FNIP2: variants seen among roughly 807,000 people sequenced by gnomAD.
FNIP2 encodes the protein folliculin-interacting protein 2.
In FNIP2, 32 loss-of-function variants were observed where a neutral mutation model predicts 108.7. The ratio of observed to expected loss-of-function variants is 0.29; its 90% CI spans 0.22 to 0.40. The LOEUF (loss-of-function observed/expected upper bound fraction) is 0.40. Ranked by LOEUF, FNIP2 falls within the 10% of genes least tolerant of loss-of-function variation. FNIP2 has a pLI of 1.00. For missense variants in FNIP2, 1,202 were observed against 1,381.6 expected (o/e 0.87, Z 2.06); for synonymous variants, 480 against 496.7 (o/e 0.97, Z 0.45).
At chr4:158,844,039 T>C (rs1208880951) in intron 7 of FNIP2, among the ~76,000 whole-genome samples, 1 of 152,234 alleles carries the variant, frequency 6.6e-6, no homozygotes, top group African/African-American at 2.4e-5. Flanking sequence ...CAAAACTTTT[T>C]CCTTTGAAGA....
intron 3 of FNIP2, among the ~76,000 whole-genome samples, chr4:158,830,416 C>G (rs981259235): frequency 2.6e-5 from 4 of 151,684 alleles, no homozygotes; most frequent in Non-Finnish European, 5.9e-5. Context: ...GCGCCCGCCA[C>G]CGCGCCCGGC....
intron 14 of FNIP2, among the ~76,000 whole-genome samples, chr4:158,888,824 G>T (rs530802481): frequency 1.2e-4 from 18 of 151,522 alleles, no homozygotes; most frequent in Admixed American, 4.6e-4. Context: ...ATGTGTTGCA[G>T]TGAGCCGAGA....
intron 7 of FNIP2, among the ~76,000 whole-genome samples, chr4:158,840,691 C>G (rs1203635565): frequency 1.3e-5 from 2 of 152,192 alleles, no homozygotes; most frequent in African/African-American, 4.8e-5. Context: ...CCACCGTGCC[C>G]AGCCAGAAGC....
chr4:158,870,312 G>C lies in FNIP2; in HGVS notation c.2793-1G>C. The stretch of plus-strand genomic sequence containing the variant: ...TTTTAATGGGCCACATGTTGTTTTA[G>C]GTCTCAGAGCATCAGCACCCAGAAT... On this transcript the variant is annotated splice_acceptor_variant, in intron 13 of 16. Coordinates refer to ENST00000264433, the MANE Select transcript of FNIP2 (RefSeq NM_020840.3). LOFTEE classifies it high-confidence loss of function. 1 of 1,612,446 alleles carries C rather than the reference G, an allele frequency of 6.2e-7. No individual in the cohort carries two copies. Among genetic ancestry groups the C allele is most frequent in the African/African-American group, 1.3e-5 (1 of 75,016 alleles).
At chr4:158,779,057 T>C (rs970633308) in intron 1 of FNIP2, among the ~76,000 whole-genome samples, 2 of 152,204 alleles carry the variant, frequency 1.3e-5, no homozygotes, top group Non-Finnish European at 2.9e-5. Context: ...TGGGGAAACT[T>C]GGACCCTAGC....
intron 14 of FNIP2, among the ~76,000 whole-genome samples, chr4:158,876,743 A>T (rs1781304346): frequency 6.6e-6 from 1 of 152,180 alleles, no homozygotes. Flanking sequence ...ACTCTTCCCC[A>T]TAAAACTGGG....
intron 14 of FNIP2, among the ~76,000 whole-genome samples, chr4:158,881,914 C>T (rs1219250171): frequency 2.6e-5 from 4 of 151,616 alleles, no homozygotes; most frequent in Admixed American, 1.3e-4. Context: ...GGCCGCCCAT[C>T]GTCTGGGATG....
chr4:158,854,677 A>G (rs1399939203), intron 8 of FNIP2, among the ~76,000 whole-genome samples: 2 of 152,232 alleles, frequency 1.3e-5, no homozygotes, highest in African/African-American at 4.8e-5. Context: ...GGAAAACTGT[A>G]TTTTTATGCT....
intron 1 of FNIP2, among the ~76,000 whole-genome samples, chr4:158,812,834 A>G (rs1351843776): frequency 6.6e-6 from 1 of 151,190 alleles, no homozygotes; most frequent in African/African-American, 2.4e-5. Flanking sequence ...ACATGTATCC[A>G]CTATTCATAC....
rs1471651968 is a variant in FNIP2, at chr4:158,868,369, T to A, written c.1733T>A (p.Leu578His). The A allele has an allele frequency of 1.2e-6, 2 of 1,613,886 alleles. No homozygotes were observed. Among genetic ancestry groups the A allele is most frequent in the Non-Finnish European group, 1.7e-6 (2 of 1,179,906 alleles). Residue 578 changes from leucine (L) to histidine (H), a missense_variant, in exon 13 of 17, where the codon CTT becomes CAT. By Grantham distance (99) the Leu-to-His change is moderately conservative (BLOSUM62 -3). Transcript: ENST00000264433. The surrounding 1 kb of genome is among the most constrained non-coding windows in gnomAD (Gnocchi z 4.6). ...VVITVRNEPA[L>H]VPPILPPTAA... is the part of the protein sequence containing the mutation. ...ATTACGGTGAGGAACGAGCCCGCTC[T>A]TGTACCCCCCATCCTACCACCAACA... is the stretch of plus-strand genomic sequence containing the variant.
intron 1 of FNIP2, among the ~76,000 whole-genome samples, chr4:158,808,359 A>G (rs76855625): frequency 0.036 from 5,458 of 152,312 alleles, 140 homozygotes; most frequent in Non-Finnish European, 0.053. Flanking sequence ...TTAAATTTTA[A>G]CATTTTCATA....
chr4:158,905,331 T>C lies in FNIP2; in HGVS notation c.*787T>C, dbSNP rs1170178434. On this transcript the variant is annotated 3_prime_UTR_variant, in exon 17 of 17. Transcript: ENST00000264433. ...TCTGAAACCGTATGTTTTATCCTTA[T>C]ATTTTAGAGCTTTCAGCAGCCTTTT... is the stretch of plus-strand genomic sequence containing the variant. 1 of 152,228 alleles carries C rather than the reference T, an allele frequency of 6.6e-6. No homozygotes were observed. Among genetic ancestry groups the C allele is most frequent in the African/African-American group, 2.4e-5 (1 of 41,470 alleles). The allele number at this position is 152,228 out of a possible 1,614,324, so 9.4% of individuals were successfully genotyped here.
rs1001509928 is a variant in FNIP2, at chr4:158,850,166, C to T, written c.728-1155C>T. On this transcript the variant is annotated intron_variant, in intron 7 of 16. Transcript: ENST00000264433. ...ATAAATGTAATAGTTCATGTGGAGACACTGCTTTATCAAGTGATATTCATG... is the reference window on the plus strand; with the variant it reads ...ATAAATGTAATAGTTCATGTGGAGATACTGCTTTATCAAGTGATATTCATG... Among the ~76,000 whole-genome samples the T allele has an allele frequency of 3.3e-5, 5 of 152,288 alleles. No homozygotes were observed. The East Asian group carries it at 7.7e-4, about 23-fold the overall frequency.
At chr4:158,842,147 T>C (rs73858594) in intron 7 of FNIP2, among the ~76,000 whole-genome samples, 10,142 of 152,330 alleles carry the variant, frequency 0.067, 431 homozygotes, top group African/African-American at 0.12. Flanking sequence ...GATATTTATC[T>C]TTTTCATTTC....
rs1775608951 is a variant in FNIP2, at chr4:158,769,251, G to A, written c.39G>A (p.Arg13=). 2 of 1,539,554 alleles carry A rather than the reference G, an allele frequency of 1.3e-6. No individual in the cohort carries two copies. Among genetic ancestry groups the A allele is most frequent in the African/African-American group, 1.4e-5 (1 of 71,458 alleles). The change falls in exon 1 of 17, where the codon AGG becomes AGA. Residue 13 remains arginine, a synonymous_variant. Transcript: ENST00000264433. ...PTLLQKLFNK[R]GSSGSSAAAS... ...TGCTCCAGAAGCTCTTCAACAAAAG[G>A]GGCAGCAGCGGCAGCTCCGCGGCGG...
intron 8 of FNIP2, among the ~76,000 whole-genome samples, chr4:158,857,288 A>G (rs1780039140): frequency 6.6e-6 from 1 of 152,256 alleles, no homozygotes; most frequent in African/African-American, 2.4e-5. Flanking sequence ...TTATTGTAAT[A>G]TAAACTCAGA....
intron 1 of FNIP2, among the ~76,000 whole-genome samples, chr4:158,780,990 G>A (rs1776024208): frequency 1.3e-5 from 2 of 149,526 alleles, no homozygotes; most frequent in African/African-American, 2.5e-5. Flanking sequence ...AGCTGAGATC[G>A]CGCCACCGCA....
rs762856320 is a variant in FNIP2, at chr4:158,868,154, G to T, written c.1518G>T (p.Val506=). The T allele has an allele frequency of 6.2e-7, 1 of 1,614,022 alleles. No individual in the cohort carries two copies. The highest frequency in any genetic ancestry group is 2.2e-5 in the East Asian group (1 of 44,884). The part of the protein sequence containing the change: ...GSPVRLTRTV[V]VGKQKDLVQR... Reference sequence around the variant, plus strand: ...CAGTGAGACTGACTCGCACCGTAGTGGTAGGGAAGCAGAAGGACTTAGTCC... The same window carrying T: ...CAGTGAGACTGACTCGCACCGTAGTTGTAGGGAAGCAGAAGGACTTAGTCC... Residue 506 remains valine (V), a synonymous_variant, in exon 13 of 17, where the codon GTG becomes GTT. Transcript: ENST00000264433. This position sits in a 1 kb window ranked among gnomAD's most constrained non-coding sequence, Gnocchi z 4.6.
chr4:158,805,106 TA>T (rs1354330588), intron 1 of FNIP2, among the ~76,000 whole-genome samples: 9 of 152,184 alleles, frequency 5.9e-5, no homozygotes, highest in African/African-American at 1.9e-4. Flanking sequence ...ACATTAAAAG[TA>T]ATGGCAAAAA....
Sources: allele counts gnomAD v4.1 joint callset (sites outside exome capture counted in the v4.1 genomes callset), GRCh38; gene constraint gnomAD v4.1.1; non-coding constraint Gnocchi (gnomAD v3.1); transcripts MANE v1.5; gene names NCBI Gene and HGNC (gene_info 2026-07-23, HGNC 2026-07-21).